Variants in VPS13B observed in about 807,000 individuals in gnomAD.
The protein encoded by VPS13B is vacuolar protein sorting 13 homolog B.
In VPS13B, 285 loss-of-function variants were observed where a neutral mutation model predicts 426.4. The ratio of observed to expected loss-of-function variants is 0.67; its 90% CI spans 0.61 to 0.74. The LOEUF (loss-of-function observed/expected upper bound fraction) is 0.74. Ranked by LOEUF, VPS13B falls within the 30% of genes least tolerant of loss-of-function variation. The probability of loss-of-function intolerance (pLI) is 0.00; values close to 1 mark genes in which losing one functional copy is unlikely to be tolerated. For missense variants in VPS13B, 4,537 were observed against 4,782.6 expected (o/e 0.95, Z 1.51); for synonymous variants, 1,676 against 1,676.4 (o/e 1.00, Z 0.01).
intron 7 of VPS13B, among the ~76,000 whole-genome samples, chr8:99,116,616 TAG>T (rs1033335797): frequency 6.6e-6 from 1 of 151,378 alleles, no homozygotes; most frequent in Non-Finnish European, 1.5e-5. Flanking sequence ...GCATTTTTTG[TAG>T]AGACAGGGTT....
chr8:99,178,965 G>T (rs1812792043), intron 16 of VPS13B, among the ~76,000 whole-genome samples: 1 of 150,742 alleles, frequency 6.6e-6, no homozygotes, highest in South Asian at 2.1e-4. Context: ...TTAATAGCAT[G>T]TTGATTAATA....
chr8:99,683,857 C>T (rs934661557), intron 35 of VPS13B, among the ~76,000 whole-genome samples: 1 of 152,116 alleles, frequency 6.6e-6, no homozygotes, highest in East Asian at 1.9e-4. Flanking sequence ...GTTGCACTGT[C>T]TATGATTTCC....
rs149769643 is a variant in VPS13B at position 99,818,697 on chromosome 8, C to A, written c.8446-16C>A. 3.7e-6 allele frequency: 6 copies of A among 1,613,272 alleles called. No individual in the cohort carries two copies. In the African/African-American group the frequency reaches 8.0e-5, roughly 22 times the overall value. ...AAAGCAAATATGAAAGTTGTTCTAT[C>A]CTTTTATTTTTATAGATTGTGTTCA... On this transcript the variant is annotated splice_polypyrimidine_tract_variant and intron_variant, in intron 46 of 61. Transcript: ENST00000357162.
intron 13 of VPS13B, among the ~76,000 whole-genome samples, chr8:99,143,940 G>C (rs1203474256): frequency 6.6e-6 from 1 of 152,086 alleles, no homozygotes; most frequent in East Asian, 1.9e-4. Context: ...CTGTCTACTG[G>C]GATGGGAGCA....
intron 54 of VPS13B, among the ~76,000 whole-genome samples, chr8:99,848,505 C>G (rs555530963): frequency 1.4e-4 from 21 of 152,228 alleles, no homozygotes; most frequent in African/African-American, 5.1e-4. Flanking sequence ...CTTGCCAGTT[C>G]CAAAGAAGCA....
intron 15 of VPS13B, among the ~76,000 whole-genome samples, chr8:99,158,254 G>A (rs1341654919): frequency 1.3e-5 from 2 of 152,214 alleles, no homozygotes; most frequent in African/African-American, 4.8e-5. Flanking sequence ...TCAAAAGGCG[G>A]CCGGGCACGG....
chr8:99,647,287 G>A (rs893047039), intron 34 of VPS13B, among the ~76,000 whole-genome samples: 22 of 152,064 alleles, frequency 1.4e-4, no homozygotes, highest in East Asian at 3.9e-4. Flanking sequence ...ATGGCTGGGC[G>A]TGATTGGCTC....
At chr8:99,636,856 G>A (rs1003891170) in intron 33 of VPS13B, among the ~76,000 whole-genome samples, 2 of 152,030 alleles carry the variant, frequency 1.3e-5, no homozygotes, top group Admixed American at 1.3e-4. Context: ...TTTTCAAACA[G>A]AATAATTCAA....
Position 99,170,676 on chromosome 8 carries a change from T to C in VPS13B, c.2333+513T>C, listed in dbSNP as rs536621740. On this transcript the variant is annotated intron_variant, in intron 16 of 61. Transcript: ENST00000357162. ...CATTTTCATTCCGAATTGAATGCTA[T>C]ATTTGGAGGTCACATTTCCTTAAAT... Among the ~76,000 whole-genome samples the C allele has an allele frequency of 4.7e-4, 71 of 151,994 alleles. No homozygotes were observed. In the South Asian group the frequency reaches 0.014, roughly 31 times the overall value.
Position 99,858,470 on chromosome 8 carries a change from C to G in VPS13B, c.10868-834C>G, listed in dbSNP as rs1329171178. 3.9e-5 allele frequency among the ~76,000 whole-genome samples: 6 copies of G among 152,266 alleles called. No individual in the cohort carries two copies. In the East Asian group the frequency reaches 9.7e-4, roughly 25 times the overall value. ...TCTCACTAACCTCATCAGAATGTCC[C>G]TGTCACAGAGTTCAAGACCAGCCTG... is the stretch of plus-strand genomic sequence containing the variant. On this transcript the variant is annotated intron_variant, in intron 56 of 61. Coordinates refer to ENST00000357162, the MANE Select transcript of VPS13B (RefSeq NM_152564.5).
intron 39 of VPS13B, among the ~76,000 whole-genome samples, chr8:99,727,764 A>G (rs1833410621): frequency 6.6e-6 from 1 of 152,202 alleles, no homozygotes; most frequent in Non-Finnish European, 1.5e-5. Context: ...AGGTTTTAAG[A>G]TAGCTAAAGA....
intron 19 of VPS13B, among the ~76,000 whole-genome samples, chr8:99,318,035 A>G (rs1220399176): frequency 6.6e-6 from 1 of 152,184 alleles, no homozygotes; most frequent in Non-Finnish European, 1.5e-5. Context: ...TACTGTTAAC[A>G]TTTAAAACTT....
chr8:99,305,659 G>A (rs1820597868), intron 19 of VPS13B, among the ~76,000 whole-genome samples: 2 of 152,098 alleles, frequency 1.3e-5, no homozygotes, highest in African/African-American at 2.4e-5. Context: ...TTACTTTTAG[G>A]CATATGGTTG....
intron 25 of VPS13B, among the ~76,000 whole-genome samples, chr8:99,493,299 T>C (rs1820715330): frequency 6.6e-6 from 1 of 152,202 alleles, no homozygotes. Flanking sequence ...ATACTCTCTT[T>C]ATAAATGAGT....
At chr8:99,343,315 A>G (rs1427352579) in intron 19 of VPS13B, among the ~76,000 whole-genome samples, 1 of 151,602 alleles carries the variant, frequency 6.6e-6, no homozygotes, top group Non-Finnish European at 1.5e-5. Context: ...GATGGTCTCA[A>G]TCTCTTGACC....
chr8:99,047,088 T>C (rs543956169), intron 3 of VPS13B, among the ~76,000 whole-genome samples: 2 of 152,306 alleles, frequency 1.3e-5, no homozygotes, highest in East Asian at 1.9e-4. Flanking sequence ...TGTGGAATAC[T>C]GTCAATAGGA....
intron 4 of VPS13B, among the ~76,000 whole-genome samples, chr8:99,102,268 C>T (rs955057599): frequency 2.0e-5 from 3 of 151,830 alleles, no homozygotes; most frequent in African/African-American, 4.8e-5. Context: ...ATACATTCTC[C>T]TTCCTTCCAT....
At chr8:99,463,562 A>C (rs1239118705) in intron 23 of VPS13B, among the ~76,000 whole-genome samples, 1 of 152,148 alleles carries the variant, frequency 6.6e-6, no homozygotes, top group Non-Finnish European at 1.5e-5. Flanking sequence ...CTTTCTTTCT[A>C]TGCCTTTCAA....
At chr8:99,075,595 T>C (rs1305662314) in intron 3 of VPS13B, among the ~76,000 whole-genome samples, 1 of 152,230 alleles carries the variant, frequency 6.6e-6, no homozygotes, top group South Asian at 2.1e-4. Flanking sequence ...TTTCTGTTTC[T>C]TTCTGGTTCA....
Sources: gnomAD v4.1 joint callset for allele counts (sites outside exome capture counted in the v4.1 genomes callset) on GRCh38, gnomAD v4.1.1 for gene constraint, MANE v1.5 for transcripts, NCBI Gene and HGNC (gene_info 2026-07-23, HGNC 2026-07-21) for gene names.